Variants in KRT35 observed in about 807,000 individuals in gnomAD.
KRT35 encodes the protein keratin, type I cuticular Ha5.
A neutral mutation model predicts 42.2 loss-of-function variants in KRT35; 33 were observed. The observed-to-expected ratio is 0.78, with a 90% CI of 0.59 to 1.05. The LOEUF (loss-of-function observed/expected upper bound fraction) is 1.05, where lower values mean the gene tolerates loss of function less well. Among genes scored for constraint, KRT35 ranks in the 50% least tolerant of loss-of-function variants. KRT35 has a pLI of 0.00. For missense variants in KRT35, 585 were observed against 589.2 expected (o/e 0.99, Z 0.07); for synonymous variants, 218 against 238.2 (o/e 0.92, Z 0.78).
chr17:41,480,958 C>T lies in KRT35; in HGVS notation c.140G>A (p.Arg47Lys). 1 of 1,614,166 alleles carries T rather than the reference C, an allele frequency of 6.2e-7. No individual in the cohort carries two copies. Among genetic ancestry groups the T allele is most frequent in the Non-Finnish European group, 8.5e-7 (1 of 1,180,030 alleles). Residue 47 changes from arginine (R) to lysine (K), a missense_variant, in exon 1 of 7, where the codon AGA becomes AAA. By Grantham distance (26) the Arg-to-Lys change is conservative (BLOSUM62 2). Coordinates refer to ENST00000246639, the MANE Select transcript of KRT35 (RefSeq NM_002280.6). ...ACCCACTGAGCAGGCAGAGAAACTT[C>T]TGGCCACAGGGGAGAGACTTGGAAG... Reference protein sequence around the residue: ...CKLPSLSPVARSFSACSVGLG... With the variant: ...CKLPSLSPVAKSFSACSVGLG...
At position 41,480,759 on chromosome 17, in the gene KRT35, C is replaced by G. The variant is rs780311443; in HGVS notation, c.339G>C (p.Glu113Asp). The change falls in exon 1 of 7, where the codon GAG becomes GAC. Residue 113 changes from glutamate (E) to aspartate (D), a missense_variant. Physicochemically the swap from Glu to Asp is conservative, Grantham distance 45 (BLOSUM62 2). Transcript: ENST00000246639. Reference sequence around the variant, plus strand: ...TCTCCTGCTCCAGCTGACGCACCTTCTCCAGGTAGCCGGCCAGGCGGTCGT... The same window carrying G: ...TCTCCTGCTCCAGCTGACGCACCTTGTCCAGGTAGCCGGCCAGGCGGTCGT... ...SLNDRLAGYL[E>D]KVRQLEQENA... 6.2e-7 allele frequency: 1 copy of G among 1,614,224 alleles called. No individual in the cohort carries two copies. The highest frequency in any genetic ancestry group is 1.1e-5 in the South Asian group (1 of 91,088).
intron 3 of KRT35, among the ~76,000 whole-genome samples, 160 bp downstream of exon 3, chr17:41,479,187 C>T (rs913267497): frequency 2.7e-5 from 4 of 150,826 alleles, no homozygotes; most frequent in Non-Finnish European, 5.9e-5. Flanking sequence ...CTATGCTCAC[C>T]TGCTCCCCAT....
Position 41,478,493 on chromosome 17 carries a change from C to T in KRT35, c.874-7G>A, listed in dbSNP as rs541998545. 1.2e-6 allele frequency: 2 copies of T among 1,612,970 alleles called. No homozygotes were observed. Among genetic ancestry groups the T allele is most frequent in the East Asian group, 4.5e-5 (2 of 44,868 alleles). On this transcript the variant is annotated splice_polypyrimidine_tract_variant and splice_region_variant and intron_variant, in intron 4 of 6. Transcript: ENST00000246639. The stretch of plus-strand genomic sequence containing the variant: ...GCTGGTTCAGCTCCTCACTCTGAAA[C>T]ATACACACACAGAACCTGGTCAGCC...
At position 41,479,725 on chromosome 17, in the gene KRT35, T is replaced by C; in HGVS notation, c.528A>G (p.Lys176=). 1 of 1,614,104 alleles carries C rather than the reference T, an allele frequency of 6.2e-7. No individual in the cohort carries two copies. Among genetic ancestry groups the C allele is most frequent in the Non-Finnish European group, 8.5e-7 (1 of 1,179,986 alleles). Residue 176 remains lysine, a synonymous_variant, in exon 2 of 7, where the codon AAA becomes AAG. Transcript: ENST00000246639. ...ARLVVEIDNA[K]LAADDFRTKY... ...TGGTCCTGAAGTCATCTGCAGCCAA[T>C]TTGGCATTGTCAATCTCCACCACCA...
intron 3 of KRT35, 83 bp from the exon 4 acceptor site, chr17:41,479,078 A>C (rs1402216181): frequency 1.5e-6 from 2 of 1,373,976 alleles, no homozygotes; most frequent in Admixed American, 2.0e-5. Flanking sequence ...CCTCCTCCCC[A>C]TGCTCACCCC....
At position 41,479,360 on chromosome 17, in the gene KRT35, T is replaced by TTCTTCAGGCAGAGCAGCTCC. The variant is rs1351526264; in HGVS notation, c.678_697dup (p.Lys233ArgfsTer6). The TTCTTCAGGCAGAGCAGCTCC allele has an allele frequency of 6.2e-7, 1 of 1,614,000 alleles. No individual in the cohort carries two copies. Among genetic ancestry groups the TTCTTCAGGCAGAGCAGCTCC allele is most frequent in the Admixed American group, 1.7e-5 (1 of 60,006 alleles). ...CCCCATGCTCACCTCCTCATGGTTC[T>TTCTTCAGGCAGAGCAGCTCC]TCTTCAGGCAGAGCAGCTCCTCCTT... On this transcript the variant is annotated stop_gained and frameshift_variant, in exon 3 of 7. Coordinates refer to ENST00000246639, the MANE Select transcript of KRT35 (RefSeq NM_002280.6). LOFTEE classifies it high-confidence loss of function.
chr17:41,478,307 TTGTGTGCTCCTC>T, intron 5 of KRT35, 42 bp downstream of exon 5: 3 of 1,586,352 alleles, frequency 1.9e-6, no homozygotes, highest in Non-Finnish European at 2.6e-6. Flanking sequence ...GCTGGGGAGC[TTGTGTGCTCCTC>T]GGCTTGGTCC....
intron 5 of KRT35, 129 bp from the exon 6 acceptor site, chr17:41,477,867 G>A: frequency 7.7e-7 from 1 of 1,306,070 alleles, no homozygotes; most frequent in East Asian, 2.6e-5. Context: ...ATCTCTCTGT[G>A]AGGTCAAGAG....
chr17:41,478,570 C>A, intron 4 of KRT35, 84 bp from the exon 5 acceptor site: 3 of 1,491,920 alleles, frequency 2.0e-6, no homozygotes, highest in East Asian at 2.3e-5. Context: ...GAATCATGAG[C>A]CAAGAAAGAC....
At position 41,479,457 on chromosome 17, in the gene KRT35, T is replaced by A; in HGVS notation, c.601A>T (p.Asn201Tyr). The change falls in exon 3 of 7, where the codon AAC becomes TAC. Residue 201 changes from asparagine (N) to tyrosine (Y), a missense_variant. Physicochemically the swap from Asn to Tyr is moderately radical, Grantham distance 143 (BLOSUM62 -2). Transcript: ENST00000246639. ...TCATCCAGGATCCTGCGCAGGCCGTTGATGTCTGACTCCACCAGCTGCCGC... is the reference window on the plus strand; with the variant it reads ...TCATCCAGGATCCTGCGCAGGCCGTAGATGTCTGACTCCACCAGCTGCCGC... Reference protein sequence around the residue: ...SLRQLVESDINGLRRILDDLT... With the variant: ...SLRQLVESDIYGLRRILDDLT... The A allele has an allele frequency of 6.2e-7, 1 of 1,614,198 alleles. No homozygotes were observed. The highest frequency in any genetic ancestry group is 1.1e-5 in the South Asian group (1 of 91,084).
rs765349061 is a variant in KRT35, at chr17:41,478,495, TAC to T, written c.874-11_874-10del. ...TGGTTCAGCTCCTCACTCTGAAACA[TAC>T]ACACACAGAACCTGGTCAGCCACAC... On this transcript the variant is annotated splice_polypyrimidine_tract_variant and intron_variant, in intron 4 of 6. Coordinates refer to ENST00000246639, the MANE Select transcript of KRT35 (RefSeq NM_002280.6). The T allele has an allele frequency of 2.5e-6, 4 of 1,612,812 alleles. No individual in the cohort carries two copies. Among genetic ancestry groups the T allele is most frequent in the Non-Finnish European group, 3.4e-6 (4 of 1,179,280 alleles).
chr17:41,478,833 C>G lies in KRT35; in HGVS notation c.873+1G>C. On this transcript the variant is annotated splice_donor_variant, in intron 4 of 6. Transcript: ENST00000246639. LOFTEE classifies it high-confidence loss of function. ...TGCACTGACTGTTTCCAGGTACCTA[C>G]CTGGGTGTCCAACCAGTCTTCAGCA... 1 of 1,612,150 alleles carries G rather than the reference C, an allele frequency of 6.2e-7. No homozygotes were observed. The highest frequency in any genetic ancestry group is 2.2e-5 in the East Asian group (1 of 44,852).
Position 41,478,403 on chromosome 17 carries a change from C to T in KRT35, c.957G>A (p.Thr319=), listed in dbSNP as rs983739711. The part of the protein sequence containing the change: ...CQAEIIELRR[T]VNALEIELQA... ...GCAGCTCAATCTCCAGGGCGTTGACCGTGCGTCTCAGCTCGATGATCTCTG... is the reference window on the plus strand; with the variant it reads ...GCAGCTCAATCTCCAGGGCGTTGACTGTGCGTCTCAGCTCGATGATCTCTG... The change falls in exon 5 of 7, where the codon ACG becomes ACA. Residue 319 remains threonine, a synonymous_variant. Coordinates refer to ENST00000246639, the MANE Select transcript of KRT35 (RefSeq NM_002280.6). 6.2e-6 allele frequency: 10 copies of T among 1,613,894 alleles called. No individual in the cohort carries two copies. The highest frequency in any genetic ancestry group is 1.3e-5 in the African/African-American group (1 of 74,906).
Position 41,477,530 on chromosome 17 carries a change from C to T in KRT35, c.1208G>A (p.Ser403Asn). Residue 403 changes from serine to asparagine, a missense_variant, in exon 6 of 7, where the codon AGT becomes AAT. By Grantham distance (46) the Ser-to-Asn change is conservative. Transcript: ENST00000246639. ...CAGTGATACTCACTTGCTGTCCTCACTCTCCAGCAGGCCCCGGTACGTGTT... is the reference window on the plus strand; with the variant it reads ...CAGTGATACTCACTTGCTGTCCTCATTCTCCAGCAGGCCCCGGTACGTGTT... Reference protein sequence around the residue: ...EINTYRGLLESEDSKLPCNPC... With the variant: ...EINTYRGLLENEDSKLPCNPC... 1 of 1,613,444 alleles carries T rather than the reference C, an allele frequency of 6.2e-7. No homozygotes were observed. The highest frequency in any genetic ancestry group is 8.5e-7 in the Non-Finnish European group (1 of 1,180,044).
In KRT35 at chr17:41,479,355, G is replaced by C; in HGVS notation, c.703C>G (p.His235Asp). 6.2e-7 allele frequency: 1 copy of C among 1,613,392 alleles called. No individual in the cohort carries two copies. Among genetic ancestry groups the C allele is most frequent in the Non-Finnish European group, 8.5e-7 (1 of 1,179,870 alleles). The part of the protein sequence containing the change: ...KEELLCLKKN[H>D]EEEVNSLRCQ... The stretch of plus-strand genomic sequence containing the variant: ...TTTTCCCCCATGCTCACCTCCTCAT[G>C]GTTCTTCTTCAGGCAGAGCAGCTCC... Residue 235 changes from histidine (H) to aspartate (D), a missense_variant, in exon 3 of 7, where the codon CAT becomes GAT. Physicochemically the swap from His to Asp is moderately conservative, Grantham distance 81. Transcript: ENST00000246639.
At position 41,477,648 on chromosome 17, in the gene KRT35, C is replaced by A; in HGVS notation, c.1090G>T (p.Ala364Ser). 1 of 1,614,260 alleles carries A rather than the reference C, an allele frequency of 6.2e-7. No homozygotes were observed. Among genetic ancestry groups the A allele is most frequent in the South Asian group, 1.1e-5 (1 of 91,084 alleles). Residue 364 changes from alanine (A) to serine (S), a missense_variant, in exon 6 of 7, where the codon GCC (alanine) becomes TCC (serine). Ala to Ser is a moderately conservative substitution (Grantham distance 99). Coordinates refer to ENST00000246639, the MANE Select transcript of KRT35 (RefSeq NM_002280.6). ...TCAGCCCGGATCTCGGCCAGCTGGG[C>A]CTCCACGTTGGTGATCATGCACTGC... ...QMQCMITNVE[A>S]QLAEIRADLE...
Position 41,477,063 on chromosome 17 carries a change from C to T in KRT35, c.1361G>A (p.Arg454Gln), listed in dbSNP as rs1001062970. 20 of 1,565,952 alleles carry T rather than the reference C, an allele frequency of 1.3e-5. No homozygotes were observed. Among genetic ancestry groups the T allele is most frequent in the African/African-American group, 6.9e-5 (5 of 72,802 alleles). ...CATCTGGGTCACCCGCTCTCAGAAC[C>T]GACCCCCTGGGCAGGGCACACAAAT... ...RPICVPCPGG[R>Q]F The change falls in exon 7 of 7, where the codon CGG becomes CAG. Residue 454 changes from arginine to glutamine, a missense_variant. Transcript: ENST00000246639.
intron 4 of KRT35, 63 bp from the exon 5 acceptor site, chr17:41,478,549 G>C: frequency 6.3e-7 from 1 of 1,576,016 alleles, no homozygotes; most frequent in South Asian, 1.2e-5. Context: ...GAGAGCTACA[G>C]AGGCCGGTTA....
In KRT35 at chr17:41,481,000, G is replaced by A. The variant is rs1456309703; in HGVS notation, c.98C>T (p.Ser33Phe). Residue 33 changes from serine to phenylalanine, a missense_variant, in exon 1 of 7, where the codon TCC (serine) becomes TTC (phenylalanine). Ser to Phe is a radical substitution (Grantham distance 155, BLOSUM62 -2). Transcript: ENST00000246639. ...GGSTRVSAMY[S>F]SSSCKLPSLS... ...ACTTGGAAGCTTGCAAGAGCTGCTG[G>A]AGTACATTGCGGACACACGAGTGGA... 6.2e-7 allele frequency: 1 copy of A among 1,614,014 alleles called. No individual in the cohort carries two copies. Among genetic ancestry groups the A allele is most frequent in the African/African-American group, 1.3e-5 (1 of 75,032 alleles).
Sources: gnomAD v4.1 joint callset for allele counts (sites outside exome capture counted in the v4.1 genomes callset) on GRCh38, gnomAD v4.1.1 for gene constraint, MANE v1.5 for transcripts, NCBI Gene and HGNC (gene_info 2026-07-23, HGNC 2026-07-21) for gene names.